ZFR: variants seen among roughly 807,000 people sequenced by gnomAD.
ZFR encodes zinc finger RNA-binding protein.
In ZFR, 19 loss-of-function variants were observed where a neutral mutation model predicts 130.7. The ratio of observed to expected loss-of-function variants is 0.15; its 90% CI spans 0.10 to 0.21. The LOEUF is 0.21. ZFR is among the 10% of genes least tolerant of loss of function. ZFR has a pLI of 1.00. For synonymous variants in ZFR, 466 were observed against 456.9 expected (o/e 1.02, Z -0.25); for missense variants, 872 against 1,321.5 (o/e 0.66, Z 5.27).
chr5:32,426,903 T>TG (rs1173565225), intron 2 of ZFR, among the ~76,000 whole-genome samples: 5 of 12,778 alleles, frequency 3.9e-4, no homozygotes, highest in African/African-American at 8.0e-4. Flanking sequence ...ACACTCTTTC[T>TG]GAAAAAAAAA....
At chr5:32,404,178 A>C in intron 6 of ZFR, 81 bp from the exon 7 acceptor site, 1 of 1,285,234 alleles carries the variant, frequency 7.8e-7, no homozygotes, top group Non-Finnish European at 1.1e-6. Context: ...AGAAATCTCT[A>C]ATACTCATCT....
At chr5:32,434,627 C>A (rs1754295282) in intron 2 of ZFR, among the ~76,000 whole-genome samples, 3 of 152,156 alleles carry the variant, frequency 2.0e-5, no homozygotes, top group Admixed American at 1.3e-4. Context: ...TTATATTAGT[C>A]TTTAACATAG....
Position 32,444,252 on chromosome 5 carries a change from C to T in ZFR, c.114G>A (p.Ala38=). 1 of 1,574,924 alleles carries T rather than the reference C, an allele frequency of 6.3e-7. No individual in the cohort carries two copies. ...YFGFTHSGAA[A]AAAAAQYSQQ... ...ACCTATATTGGGCCGCAGCCGCCGC[C>T]GCCGCCGCCCCGCTGTGGGTGAATC... The change falls in exon 2 of 20, where the codon GCG becomes GCA. Residue 38 remains alanine, a synonymous_variant. Coordinates refer to ENST00000265069, the MANE Select transcript of ZFR (RefSeq NM_016107.5).
At chr5:32,386,939 A>G (rs1753057677) in intron 14 of ZFR, among the ~76,000 whole-genome samples, 1 of 152,124 alleles carries the variant, frequency 6.6e-6, no homozygotes, top group South Asian at 2.1e-4. Flanking sequence ...ACAAGCTAAT[A>G]TATAAAATTT....
chr5:32,437,849 T>C (rs62361577), intron 2 of ZFR, among the ~76,000 whole-genome samples: 4 of 152,206 alleles, frequency 2.6e-5, no homozygotes, highest in Non-Finnish European at 5.9e-5. Flanking sequence ...CATTTTTCTA[T>C]TAATAATATT....
intron 2 of ZFR, among the ~76,000 whole-genome samples, chr5:32,423,636 G>T (rs907063398): frequency 6.6e-6 from 1 of 151,856 alleles, no homozygotes; most frequent in South Asian, 2.1e-4. Flanking sequence ...TGACAGAAAA[G>T]AAAAAAGATC....
chr5:32,378,881 T>A, intron 17 of ZFR, among the ~76,000 whole-genome samples: 2 of 150,904 alleles, frequency 1.3e-5, no homozygotes, highest in African/African-American at 2.4e-5. Flanking sequence ...AAAAACACTG[T>A]GAAAACAGCA....
At chr5:32,428,883 G>C (rs530535123) in intron 2 of ZFR, among the ~76,000 whole-genome samples, 1 of 151,050 alleles carries the variant, frequency 6.6e-6, no homozygotes, top group Non-Finnish European at 1.5e-5. Flanking sequence ...TGTTAGCAGA[G>C]ACATGGAAGA....
At chr5:32,397,823 G>A (rs1010244744) in intron 9 of ZFR, among the ~76,000 whole-genome samples, 1 of 139,568 alleles carries the variant, frequency 7.2e-6, no homozygotes, top group African/African-American at 2.6e-5. Flanking sequence ...CATGCAAGAT[G>A]TGATAGCATG....
Position 32,370,310 on chromosome 5 carries a change from GGAGAGA to G in ZFR, c.2836-6041_2836-6036del, listed in dbSNP as rs769362722. On this transcript the variant is annotated intron_variant, in intron 17 of 19. Coordinates refer to ENST00000265069, the MANE Select transcript of ZFR (RefSeq NM_016107.5). ...TATAATAACATTGTGTGTTGTGGGG[GGAGAGA>G]GAGAGAGAGAGAGAGAGAGAGAGAG... is the stretch of plus-strand genomic sequence containing the variant. 1.4e-4 allele frequency among the ~76,000 whole-genome samples: 10 copies of G among 69,788 alleles called. 1 individual carries two copies. Among genetic ancestry groups the G allele is most frequent in the South Asian group, 5.0e-4 (1 of 1,996 alleles). 45.8% of individuals were successfully genotyped at this position (69,788 alleles called of 152,430 possible).
At chr5:32,414,884 G>T in intron 5 of ZFR, 85 bp downstream of exon 5, 1 of 1,187,972 alleles carries the variant, frequency 8.4e-7, no homozygotes. Context: ...TTGGGAGTAA[G>T]GTAATTTCAA....
At chr5:32,385,334 AGCATTTACTC>A (rs1753021761) in intron 15 of ZFR, among the ~76,000 whole-genome samples, 164 bp downstream of exon 15, 1 of 152,154 alleles carries the variant, frequency 6.6e-6, no homozygotes, top group Non-Finnish European at 1.5e-5. Context: ...CACTAAAAAG[AGCATTTACTC>A]TGTGGGAAAT....
intron 8 of ZFR, among the ~76,000 whole-genome samples, chr5:32,400,534 T>C (rs1383753213): frequency 1.3e-5 from 2 of 152,158 alleles, no homozygotes; most frequent in East Asian, 3.8e-4. Context: ...CTGAAATGAG[T>C]AGTATTTGTT....
At chr5:32,443,522 C>A (rs1025923192) in intron 2 of ZFR, among the ~76,000 whole-genome samples, 2 of 152,264 alleles carry the variant, frequency 1.3e-5, no homozygotes, top group African/African-American at 2.4e-5. Context: ...CTAGAAACTT[C>A]GCACATCTTT....
intron 6 of ZFR, among the ~76,000 whole-genome samples, chr5:32,405,077 TA>T (rs896202301): frequency 2.6e-5 from 4 of 152,188 alleles, no homozygotes; most frequent in African/African-American, 9.7e-5. Context: ...AAGACAGTTG[TA>T]AACTGACAAA....
Position 32,419,357 on chromosome 5 carries a change from A to C in ZFR, c.420+464T>G, listed in dbSNP as rs533786834. On this transcript the variant is annotated intron_variant, in intron 3 of 19. Coordinates refer to ENST00000265069, the MANE Select transcript of ZFR (RefSeq NM_016107.5). ...TTGCAAGGAATTTTTTTTTTTCTTG[A>C]GACAGGGTCTCGCTCTGTCACCCAG... Among the ~76,000 whole-genome samples, 16 of 151,880 alleles carry C rather than the reference A, an allele frequency of 1.1e-4. No homozygotes were observed. The South Asian group carries it at 3.3e-3, about 32-fold the overall frequency.
At chr5:32,409,782 T>C (rs1380897879) in intron 5 of ZFR, among the ~76,000 whole-genome samples, 3 of 152,150 alleles carry the variant, frequency 2.0e-5, no homozygotes, top group Non-Finnish European at 4.4e-5. Flanking sequence ...TATATTATAA[T>C]CTGTTACTCT....
At chr5:32,377,586 G>C (rs998037845) in intron 17 of ZFR, among the ~76,000 whole-genome samples, 6 of 151,800 alleles carry the variant, frequency 4.0e-5, no homozygotes, top group Non-Finnish European at 2.9e-5. Flanking sequence ...ATTGTAAAAA[G>C]AATTACTATA....
At chr5:32,434,340 C>T (rs71629079) in intron 2 of ZFR, among the ~76,000 whole-genome samples, 40,984 of 152,028 alleles carry the variant, frequency 0.27, 6,465 homozygotes, top group Middle Eastern at 0.44. Context: ...TGGTCTAGAG[C>T]GGTGCTTTTT....
Sources: gnomAD v4.1 joint callset for allele counts (sites outside exome capture counted in the v4.1 genomes callset) on GRCh38, gnomAD v4.1.1 for gene constraint, MANE v1.5 for transcripts, NCBI Gene and HGNC (gene_info 2026-07-23, HGNC 2026-07-21) for gene names.